Variants in ADGRL3 observed in about 807,000 individuals in gnomAD.
The protein encoded by ADGRL3 is calcium-independent alpha-latrotoxin receptor 3.
Under a neutral mutation model 153.5 loss-of-function variants are expected in ADGRL3, and 62 were observed. The observed-to-expected ratio is 0.40, with a 90% CI of 0.33 to 0.50. ADGRL3 has a LOEUF of 0.50. ADGRL3 is among the 20% of genes least tolerant of loss of function. The pLI, the probability that ADGRL3 is intolerant of heterozygous loss-of-function variation, is 0.47. For synonymous variants in ADGRL3, 710 were observed against 672.5 expected (o/e 1.06, Z -0.86); for missense variants, 1,641 against 1,859.4 (o/e 0.88, Z 2.16).
intron 9 of ADGRL3, among the ~76,000 whole-genome samples, chr4:61,844,020 G>GAA (rs376497386): frequency 3.3e-5 from 4 of 119,948 alleles, no homozygotes; most frequent in African/African-American, 1.2e-4. Context: ...ACCCTGTCTT[G>GAA]AAAAAAAAAA....
At chr4:61,442,715 G>T (rs1273781408) in intron 2 of ADGRL3, among the ~76,000 whole-genome samples, 1 of 152,092 alleles carries the variant, frequency 6.6e-6, no homozygotes, top group Non-Finnish European at 1.5e-5. Context: ...TTGGGAGAGA[G>T]AGCAAGTATA....
intron 1 of ADGRL3, among the ~76,000 whole-genome samples, chr4:61,333,078 T>G (rs544960482): frequency 1.3e-5 from 2 of 152,264 alleles, no homozygotes; most frequent in African/African-American, 4.8e-5. Flanking sequence ...CATTTTTATC[T>G]GTAGATAAAA....
At chr4:61,632,755 G>T (rs2093241114) in intron 5 of ADGRL3, among the ~76,000 whole-genome samples, 2 of 152,006 alleles carry the variant, frequency 1.3e-5, no homozygotes, top group African/African-American at 2.4e-5. Flanking sequence ...CATATTACCA[G>T]TATATTATAA....
In ADGRL3 at chr4:61,397,876, G is replaced by A. The variant is rs148654585; in HGVS notation, c.-174+14687G>A. On this transcript the variant is annotated intron_variant, in intron 2 of 26. Coordinates refer to ENST00000683033, the MANE Select transcript of ADGRL3 (RefSeq NM_001387552.1). ...ACTCCCAAGATCACTGGAATGTATA[G>A]CTGTTGAAAATATAATGGGTAAATA... Among the ~76,000 whole-genome samples the A allele has an allele frequency of 6.0e-3, 918 of 151,976 alleles. 42 individuals are homozygous for A. Among genetic ancestry groups the A allele is most frequent in the Admixed American group, 0.055 (836 of 15,210 alleles).
intron 1 of ADGRL3, among the ~76,000 whole-genome samples, chr4:61,205,072 A>C (rs1269639611): frequency 2.0e-5 from 3 of 152,168 alleles, no homozygotes; most frequent in Admixed American, 2.0e-4. Context: ...GATTTTTTTT[A>C]TGGATTTGAT....
intron 9 of ADGRL3, among the ~76,000 whole-genome samples, chr4:61,840,324 C>T (rs941679015): frequency 4.6e-5 from 7 of 152,232 alleles, no homozygotes; most frequent in Non-Finnish European, 1.0e-4. Context: ...AAGTGATTCA[C>T]CTGCCTCAGC....
In ADGRL3 at chr4:61,314,883, GT is replaced by G. The variant is rs1474269402; in HGVS notation, c.-239-68238del. Among the ~76,000 whole-genome samples, 4 of 152,218 alleles carry G rather than the reference GT, an allele frequency of 2.6e-5. No homozygotes were observed. In the East Asian group the frequency reaches 7.7e-4, roughly 29 times the overall value. ...AATAGTCTTGTGGTTAAGAAATTAT[GT>G]TTATTAGCTATTTTTAATGGTTGGT... On this transcript the variant is annotated intron_variant, in intron 1 of 26. Coordinates refer to ENST00000683033, the MANE Select transcript of ADGRL3 (RefSeq NM_001387552.1).
At chr4:61,860,825 A>G (rs1241232763) in intron 9 of ADGRL3, among the ~76,000 whole-genome samples, 1 of 152,188 alleles carries the variant, frequency 6.6e-6, no homozygotes, top group Non-Finnish European at 1.5e-5. Flanking sequence ...TATTATCATC[A>G]TCCTCTTACC....
At chr4:61,562,872 C>A (rs1191809474) in intron 4 of ADGRL3, among the ~76,000 whole-genome samples, 1 of 148,900 alleles carries the variant, frequency 6.7e-6, no homozygotes, top group Non-Finnish European at 1.5e-5. Flanking sequence ...TTGAACCTAG[C>A]AGTTCACAGC....
At chr4:61,251,642 A>C (rs985983346) in intron 1 of ADGRL3, among the ~76,000 whole-genome samples, 2 of 152,170 alleles carry the variant, frequency 1.3e-5, no homozygotes, top group Admixed American at 1.3e-4. Flanking sequence ...TATTCTCAAG[A>C]AAGTAATTTA....
At chr4:61,566,473 G>T (rs2098816712) in intron 4 of ADGRL3, among the ~76,000 whole-genome samples, 1 of 152,112 alleles carries the variant, frequency 6.6e-6, no homozygotes, top group Non-Finnish European at 1.5e-5. Flanking sequence ...TAACAGGAGG[G>T]AAAGGTTGAA....
At chr4:61,302,590 T>G (rs1271425819) in intron 1 of ADGRL3, among the ~76,000 whole-genome samples, 1 of 152,142 alleles carries the variant, frequency 6.6e-6, no homozygotes, top group Non-Finnish European at 1.5e-5. Context: ...CTCCTAAAGT[T>G]TTGTGATATT....
chr4:61,241,169 A>G (rs928996220), intron 1 of ADGRL3, among the ~76,000 whole-genome samples: 8 of 152,026 alleles, frequency 5.3e-5, no homozygotes, highest in African/African-American at 1.7e-4. Context: ...GAACAATATA[A>G]TAAATGGCTG....
intron 15 of ADGRL3, among the ~76,000 whole-genome samples, chr4:61,946,109 T>C (rs2098922308): frequency 6.6e-6 from 1 of 152,176 alleles, no homozygotes; most frequent in Non-Finnish European, 1.5e-5. Flanking sequence ...CTGGGAAAGG[T>C]AGATGTATGT....
intron 17 of ADGRL3, among the ~76,000 whole-genome samples, chr4:61,965,766 A>G (rs993212911): frequency 3.9e-5 from 6 of 152,134 alleles, no homozygotes; most frequent in Non-Finnish European, 8.8e-5. Context: ...AAGAAAAAAA[A>G]AAGCATTTGA....
chr4:61,291,611 C>CATATATATAT lies in ADGRL3; in HGVS notation c.-240+89852_-240+89861dup, dbSNP rs1352050467. On this transcript the variant is annotated intron_variant, in intron 1 of 26. Coordinates refer to ENST00000683033, the MANE Select transcript of ADGRL3 (RefSeq NM_001387552.1). ...ATATATATATATATATATACACACA[C>CATATATATAT]ATATATATATATATAAAATATTTAT... Among the ~76,000 whole-genome samples the CATATATATAT allele has an allele frequency of 5.2e-4, 5 of 9,650 alleles. No individual in the cohort carries two copies. In the East Asian group the frequency reaches 9.9e-3, roughly 19 times the overall value. 6.3% of individuals were successfully genotyped at this position (9,650 alleles called of 152,430 possible). A position where few individuals can be genotyped will look rare whatever the true frequency, so the allele number is the denominator to read the frequency against.
chr4:62,043,863 CTT>C (rs1729682454), intron 24 of ADGRL3, among the ~76,000 whole-genome samples: 1 of 152,016 alleles, frequency 6.6e-6, no homozygotes, highest in South Asian at 2.1e-4. Flanking sequence ...AATCAACTAA[CTT>C]TATCTTCTTC....
At chr4:61,976,543 G>A (rs1446636111) in intron 17 of ADGRL3, among the ~76,000 whole-genome samples, 4 of 152,094 alleles carry the variant, frequency 2.6e-5, no homozygotes, top group African/African-American at 9.7e-5. Context: ...TACAGAAAAG[G>A]GGTCTGTAAT....
At chr4:61,674,977 T>C (rs938632315) in intron 5 of ADGRL3, among the ~76,000 whole-genome samples, 2 of 151,970 alleles carry the variant, frequency 1.3e-5, no homozygotes, top group African/African-American at 2.4e-5. Flanking sequence ...AGAAAATCCT[T>C]ACAACTTGTT....
Sources: gnomAD v4.1 joint callset for allele counts (sites outside exome capture counted in the v4.1 genomes callset) on GRCh38, gnomAD v4.1.1 for gene constraint, MANE v1.5 for transcripts, NCBI Gene and HGNC (gene_info 2026-07-23, HGNC 2026-07-21) for gene names.